HTR2C: variants seen among roughly 807,000 people sequenced by gnomAD.
HTR2C encodes 5-hydroxytryptamine (serotonin) receptor 2C, G protein-coupled.
A neutral mutation model predicts 21.0 loss-of-function variants in HTR2C; 5 were observed. The observed-to-expected ratio is 0.24, with a 90% confidence interval of 0.12 to 0.50. The LOEUF is 0.50. Among genes scored for constraint, HTR2C ranks in the 20% least tolerant of loss-of-function variants. The pLI, the probability that HTR2C is intolerant of heterozygous loss-of-function variation, is 0.98. For synonymous variants in HTR2C, 150 were observed against 145.3 expected, an observed-to-expected ratio of 1.03 and a Z score of -0.23; for missense variants, 271 against 371.2, an observed-to-expected ratio of 0.73 and a Z score of 2.22.
intron 4 of HTR2C, among the ~76,000 whole-genome samples, chrX:114,842,948 A>G (rs1181010010): frequency 8.9e-6 from 1 of 112,100 alleles, no homozygotes; most frequent in African/African-American, 3.2e-5. Flanking sequence ...ATCACTAAAC[A>G]GTCAAACAAA....
chrX:114,806,985 A>G (rs1258471929), intron 4 of HTR2C, among the ~76,000 whole-genome samples: 1 of 101,525 alleles, frequency 9.8e-6, no homozygotes, highest in African/African-American at 3.6e-5. Flanking sequence ...CCATATATAT[A>G]CCACATATAT....
At chrX:114,638,500 T>TTTATTTATTTATTTA (rs1379757457) in intron 2 of HTR2C, among the ~76,000 whole-genome samples, 350 of 8,209 alleles carry the variant, frequency 0.043, no homozygotes, top group African/African-American at 0.11. Flanking sequence ...ATGTAATACG[T>TTTATTTATTTATTTA]TTATTTATTT....
At chrX:114,707,525 C>A (rs1004827526) in intron 2 of HTR2C, among the ~76,000 whole-genome samples, 8 of 111,405 alleles carry the variant, frequency 7.2e-5, no homozygotes, top group Admixed American at 5.7e-4. Context: ...ACTTTAAAAG[C>A]CTTCCTACTT....
chrX:114,609,983 G>A (rs1044947108), intron 1 of HTR2C, among the ~76,000 whole-genome samples: 1 of 111,586 alleles, frequency 9.0e-6, no homozygotes, highest in Non-Finnish European at 1.9e-5. Context: ...CATCAAAAGT[G>A]GTCAAACTCT....
chrX:114,638,214 G>A (rs1017718968), intron 2 of HTR2C, among the ~76,000 whole-genome samples: 1 of 111,799 alleles, frequency 8.9e-6, no homozygotes, highest in Non-Finnish European at 1.9e-5. Context: ...AAACAATGTA[G>A]TAAACACAAA....
intron 4 of HTR2C, among the ~76,000 whole-genome samples, chrX:114,733,902 G>T (rs1187053639): frequency 9.0e-6 from 1 of 110,605 alleles, no homozygotes; most frequent in Non-Finnish European, 1.9e-5. Flanking sequence ...AGAATAGAAA[G>T]AAGGCATTTG....
At chrX:114,896,287 G>A (rs1556484081) in intron 5 of HTR2C, among the ~76,000 whole-genome samples, 15 of 112,154 alleles carry the variant, frequency 1.3e-4, no homozygotes. Context: ...TTCAACATAT[G>A]ACTTATCTTG....
chrX:114,612,945 A>T (rs186456464), intron 1 of HTR2C, among the ~76,000 whole-genome samples: 1,871 of 105,195 alleles, frequency 0.018, 62 homozygotes, highest in African/African-American at 0.06. Flanking sequence ...ATTTTATTTT[A>T]TTTTTTTTTT....
At chrX:114,749,477 G>A (rs200371430) in intron 4 of HTR2C, among the ~76,000 whole-genome samples, 1,366 of 57,954 alleles carry the variant, frequency 0.024, no homozygotes, top group Middle Eastern at 0.037. Context: ...AAAAAAAAAA[G>A]AAAAAAAAAA....
chrX:114,790,425 A>T (rs1162367893), intron 4 of HTR2C, among the ~76,000 whole-genome samples: 1 of 111,971 alleles, frequency 8.9e-6, no homozygotes, highest in African/African-American at 3.2e-5. Flanking sequence ...AAGTTTAAAA[A>T]TACCATTACA....
chrX:114,857,611 T>A (rs781847635), intron 5 of HTR2C, among the ~76,000 whole-genome samples: 4 of 111,600 alleles, frequency 3.6e-5, no homozygotes, highest in Non-Finnish European at 7.6e-5. Flanking sequence ...TTTTTTTGTA[T>A]AGTCTAGATA....
At chrX:114,663,319 A>G (rs138631179) in intron 2 of HTR2C, among the ~76,000 whole-genome samples, 189 of 111,230 alleles carry the variant, frequency 1.7e-3, no homozygotes, top group African/African-American at 6.0e-3. Context: ...GCAGGATGGT[A>G]TGATAGGAAA....
At chrX:114,782,508 A>G (rs2070130178) in intron 4 of HTR2C, among the ~76,000 whole-genome samples, 1 of 111,357 alleles carries the variant, frequency 9.0e-6, no homozygotes, top group Non-Finnish European at 1.9e-5. Flanking sequence ...CCTTAGCCCA[A>G]GAGTTTGAGA....
intron 2 of HTR2C, among the ~76,000 whole-genome samples, chrX:114,725,882 C>G (rs1556421798): frequency 1.8e-5 from 2 of 109,109 alleles, no homozygotes; most frequent in African/African-American, 6.6e-5. Context: ...TCTCAGATCT[C>G]CAGCTGCATG....
intron 1 of HTR2C, among the ~76,000 whole-genome samples, chrX:114,613,406 A>C (rs1275821072): frequency 9.0e-6 from 1 of 111,034 alleles, no homozygotes; most frequent in African/African-American, 3.3e-5. Context: ...ACCAGAGGTC[A>C]CTCTCATGGC....
At chrX:114,587,259 C>T (rs1184413267) in intron 1 of HTR2C, among the ~76,000 whole-genome samples, 1 of 111,462 alleles carries the variant, frequency 9.0e-6, no homozygotes, top group African/African-American at 3.3e-5. Flanking sequence ...AAATTAATTC[C>T]CAGGTTTTAA....
Position 114,592,688 on chromosome X carries a change from A to G in HTR2C, c.-147+8029A>G, listed in dbSNP as rs941189794. 8.0e-5 allele frequency among the ~76,000 whole-genome samples: 9 copies of G among 112,092 alleles called. No homozygotes were observed. In the South Asian group the frequency reaches 3.3e-3, roughly 42 times the overall value. ...AATACAGCTTCAGAATTATTTCTGAAAAATGTTGTTCAAATGTGCCACCTT... is the reference window on the plus strand; with the variant it reads ...AATACAGCTTCAGAATTATTTCTGAGAAATGTTGTTCAAATGTGCCACCTT... On this transcript the variant is annotated intron_variant, in intron 1 of 5. Transcript: ENST00000276198.
At chrX:114,671,136 TA>T (rs1931363899) in intron 2 of HTR2C, among the ~76,000 whole-genome samples, 1 of 111,833 alleles carries the variant, frequency 8.9e-6, no homozygotes, top group Admixed American at 9.6e-5. Flanking sequence ...TTACAGTTCT[TA>T]ACACATTGAG....
At chrX:114,638,915 C>T (rs1337536085) in intron 2 of HTR2C, among the ~76,000 whole-genome samples, 3 of 109,424 alleles carry the variant, frequency 2.7e-5, no homozygotes, top group African/African-American at 1.0e-4. Flanking sequence ...TTTCTTAATC[C>T]AGTCTATCAT....
Sources: gnomAD v4.1 joint callset for allele counts (sites outside exome capture counted in the v4.1 genomes callset) on GRCh38, gnomAD v4.1.1 for gene constraint, MANE v1.5 for transcripts, NCBI Gene and HGNC (gene_info 2026-07-23, HGNC 2026-07-21) for gene names.